Variants in PCDHGC3 observed in about 807,000 individuals in gnomAD.
PCDHGC3 encodes the protein protocadherin gamma subfamily C, 3, also known as protocadherin gamma-C3.
Under a neutral mutation model 59.2 loss-of-function variants are expected in PCDHGC3, and 26 were observed. The observed-to-expected ratio is 0.44, with a 90% CI of 0.32 to 0.61. The LOEUF (loss-of-function observed/expected upper bound fraction) is 0.61, where lower values mean the gene tolerates loss of function less well. Among genes scored for constraint, PCDHGC3 ranks in the 20% least tolerant of loss-of-function variants. PCDHGC3 has a pLI of 0.05. For missense variants in PCDHGC3, 1,080 were observed against 1,221.8 expected, an observed-to-expected ratio of 0.88 and a Z score of 1.73; for synonymous variants, 487 against 519.7, an observed-to-expected ratio of 0.94 and a Z score of 0.86.
chr5:141,476,656 T>C lies in PCDHGC3; in HGVS notation c.540T>C (p.Phe180=). 1 of 1,614,210 alleles carries C rather than the reference T, an allele frequency of 6.2e-7. No individual in the cohort carries two copies. Among genetic ancestry groups the C allele is most frequent in the Non-Finnish European group, 8.5e-7 (1 of 1,180,044 alleles). Residue 180 remains phenylalanine, a synonymous_variant, in exon 1 of 4, where the codon TTT becomes TTC. Coordinates refer to ENST00000308177, the MANE Select transcript of PCDHGC3 (RefSeq NM_002588.4). This position sits in a 1 kb window ranked among gnomAD's most constrained non-coding sequence, Gnocchi z 7.6. The part of the protein sequence containing the change: ...QTYELSRNEY[F]ALRVQTREDS... ...ATGAGCTGAGCCGAAATGAATACTT[T>C]GCGCTTCGCGTGCAGACGCGGGAGG...
At chr5:141,484,347 T>C (rs569724902) in intron 1 of PCDHGC3, among the ~76,000 whole-genome samples, 2 of 152,302 alleles carry the variant, frequency 1.3e-5, no homozygotes, top group East Asian at 1.9e-4. Flanking sequence ...AATGGTAATT[T>C]AGTGTATCTA....
In PCDHGC3 at chr5:141,476,034, C is replaced by G. The variant is rs934044974; in HGVS notation, c.-83C>G. On this transcript the variant is annotated 5_prime_UTR_variant, in exon 1 of 4. Transcript: ENST00000308177. This position sits in a 1 kb window ranked among gnomAD's most constrained non-coding sequence, Gnocchi z 7.6. ...CCATGTCGGACTCGGCGCCCAGCGC[C>G]CAAGCGCTAACCCGCTGAAAGTTTC... The G allele has an allele frequency of 2.0e-6, 3 of 1,464,488 alleles. No homozygotes were observed. Among genetic ancestry groups the G allele is most frequent in the Non-Finnish European group, 2.7e-6 (3 of 1,100,656 alleles). 90.7% of individuals were successfully genotyped at this position (1,464,488 alleles called of 1,614,324 possible). A position where few individuals can be genotyped will look rare whatever the true frequency, so the allele number is the denominator to read the frequency against.
chr5:141,485,434 G>A lies in PCDHGC3; in HGVS notation c.2430+6888G>A. The A allele has an allele frequency of 6.2e-7, 1 of 1,614,166 alleles. No individual in the cohort carries two copies. The highest frequency in any genetic ancestry group is 8.5e-7 in the Non-Finnish European group (1 of 1,180,018). On this transcript the variant is annotated intron_variant, in intron 1 of 3. Coordinates refer to ENST00000308177, the MANE Select transcript of PCDHGC3 (RefSeq NM_002588.4). This position sits in a 1 kb window ranked among gnomAD's most constrained non-coding sequence, Gnocchi z 5.7. ...TGGACAGCGGAGCCCTGCTCATCAA[G>A]AACCCAATCGACCGAGAGGCACTGT...
intron 2 of PCDHGC3, among the ~76,000 whole-genome samples, chr5:141,497,614 A>C (rs1377740795): frequency 6.8e-6 from 1 of 146,530 alleles, no homozygotes; most frequent in African/African-American, 2.6e-5. Context: ...ATCTTGGCTC[A>C]CTGCAACCTC....
At position 141,478,334 on chromosome 5, in the gene PCDHGC3, C is replaced by T. The variant is rs1303200872; in HGVS notation, c.2218C>T (p.Pro740Ser). 2.5e-6 allele frequency: 4 copies of T among 1,613,944 alleles called. No individual in the cohort carries two copies. The highest frequency in any genetic ancestry group is 3.4e-6 in the Non-Finnish European group (4 of 1,180,016). ...PVSSLYRTPG[P>S]SLHADAVRGG... ...GAGCTCACTGTACCGAACACCAGGG[C>T]CCTCCTTGCACGCGGACGCCGTGCG... The change falls in exon 1 of 4, where the codon CCC becomes TCC. Residue 740 changes from proline (P) to serine (S), a missense_variant. Coordinates refer to ENST00000308177, the MANE Select transcript of PCDHGC3 (RefSeq NM_002588.4).
At chr5:141,492,468 G>A (rs927514972) in intron 1 of PCDHGC3, among the ~76,000 whole-genome samples, 1 of 152,232 alleles carries the variant, frequency 6.6e-6, no homozygotes, top group Admixed American at 6.5e-5. Flanking sequence ...GAGGGTCCCA[G>A]ATCGCGGCCG....
At chr5:141,496,928 G>A (rs2099772685) in intron 2 of PCDHGC3, among the ~76,000 whole-genome samples, 1 of 151,334 alleles carries the variant, frequency 6.6e-6, no homozygotes, top group Non-Finnish European at 1.5e-5. Context: ...GTTCACGCCT[G>A]TAATCCCAGC....
intron 3 of PCDHGC3, 110 bp downstream of exon 3, chr5:141,505,591 G>A (rs2099846959): frequency 6.4e-7 from 1 of 1,570,162 alleles, no homozygotes; most frequent in Non-Finnish European, 8.7e-7. Context: ...AGTTTCTCCA[G>A]ATCTTTCGGC....
At chr5:141,502,891 C>G (rs2099816930) in intron 2 of PCDHGC3, among the ~76,000 whole-genome samples, 1 of 117,990 alleles carries the variant, frequency 8.5e-6, no homozygotes, top group African/African-American at 3.4e-5. Context: ...GACAGGGAGT[C>G]TAGCTCTGTT....
chr5:141,494,923 G>A lies in PCDHGC3; in HGVS notation c.2489+58G>A, dbSNP rs572227346. Reference sequence around the variant, plus strand: ...TCTGCGGCATTTTCTCAGGGATGACGTGGGAGGAGATGGGGGAGGGCCCAG... The same window carrying A: ...TCTGCGGCATTTTCTCAGGGATGACATGGGAGGAGATGGGGGAGGGCCCAG... On this transcript the variant is annotated intron_variant, in intron 2 of 3. Coordinates refer to ENST00000308177, the MANE Select transcript of PCDHGC3 (RefSeq NM_002588.4). The A allele has an allele frequency of 8.9e-5, 143 of 1,613,698 alleles. 1 individual carries two copies. In the Middle Eastern group the frequency reaches 1.8e-3, roughly 20 times the overall value.
chr5:141,499,073 G>T (rs2099789305), intron 2 of PCDHGC3, among the ~76,000 whole-genome samples: 1 of 152,064 alleles, frequency 6.6e-6, no homozygotes, highest in Admixed American at 6.5e-5. Flanking sequence ...CTTACATTCT[G>T]AAGTTCCTGC....
intron 2 of PCDHGC3, among the ~76,000 whole-genome samples, chr5:141,501,184 C>T (rs1209222790): frequency 6.6e-6 from 1 of 152,002 alleles, no homozygotes; most frequent in Non-Finnish European, 1.5e-5. Context: ...CATTTTAACA[C>T]AATTAAATTC....
chr5:141,497,831 C>T (rs1336808833), intron 2 of PCDHGC3, among the ~76,000 whole-genome samples: 1 of 152,162 alleles, frequency 6.6e-6, no homozygotes, highest in Non-Finnish European at 1.5e-5. Flanking sequence ...TGATCGCCCC[C>T]GGCCACAACA....
Position 141,487,522 on chromosome 5 carries a change from T to G in PCDHGC3, c.2431-7285T>G, listed in dbSNP as rs764726787. Reference sequence around the variant, plus strand: ...TGGCTTCTGCACCCACTCGGAGTGATAGCTTCATGATGGTGAAGTCACCCA... The same window carrying G: ...TGGCTTCTGCACCCACTCGGAGTGAGAGCTTCATGATGGTGAAGTCACCCA... On this transcript the variant is annotated intron_variant, in intron 1 of 3. Transcript: ENST00000308177. This position sits in a 1 kb window ranked among gnomAD's most constrained non-coding sequence, Gnocchi z 5.0. The G allele has an allele frequency of 6.2e-7, 1 of 1,614,166 alleles. No individual in the cohort carries two copies. The highest frequency in any genetic ancestry group is 8.5e-7 in the Non-Finnish European group (1 of 1,180,022).
At chr5:141,495,269 CGGAGGAGGCG>C (rs2099759953) in intron 2 of PCDHGC3, among the ~76,000 whole-genome samples, 1 of 152,180 alleles carries the variant, frequency 6.6e-6, no homozygotes, top group Non-Finnish European at 1.5e-5. Context: ...AGCATTTGAC[CGGAGGAGGCG>C]GTCCGCACTC....
Position 141,490,330 on chromosome 5 carries a change from C to T in PCDHGC3, c.2431-4477C>T, listed in dbSNP as rs2099698666. ...GGCCAACCCTGTCCTAGAGAGCACA[C>T]CAGTGGGCACAGTAGTGGGGTTGTT... is the stretch of plus-strand genomic sequence containing the variant. On this transcript the variant is annotated intron_variant, in intron 1 of 3. Transcript: ENST00000308177. The surrounding 1 kb of genome is among the most constrained non-coding windows in gnomAD (Gnocchi z 5.4). 6.2e-7 allele frequency: 1 copy of T among 1,614,080 alleles called. No individual in the cohort carries two copies. Among genetic ancestry groups the T allele is most frequent in the Non-Finnish European group, 8.5e-7 (1 of 1,180,042 alleles).
chr5:141,487,810 C>G lies in PCDHGC3; in HGVS notation c.2431-6997C>G, dbSNP rs377060474. ...ATTAACCAGAGTTGTCACAGTTTAGCATTGGGGGCGGGTCATGCCTATATC... is the reference window on the plus strand; with the variant it reads ...ATTAACCAGAGTTGTCACAGTTTAGGATTGGGGGCGGGTCATGCCTATATC... On this transcript the variant is annotated intron_variant, in intron 1 of 3. Coordinates refer to ENST00000308177, the MANE Select transcript of PCDHGC3 (RefSeq NM_002588.4). The surrounding 1 kb of genome is among the most constrained non-coding windows in gnomAD (Gnocchi z 5.0). 7.1e-7 allele frequency: 1 copy of G among 1,417,854 alleles called. No homozygotes were observed. The highest frequency in any genetic ancestry group is 2.1e-5 in the Admixed American group (1 of 47,076). The allele number at this position is 1,417,854 out of a possible 1,614,324, so 87.8% of individuals were successfully genotyped here.
In PCDHGC3 at chr5:141,476,432, G is replaced by T; in HGVS notation, c.316G>T (p.Val106Leu). 6.2e-7 allele frequency: 1 copy of T among 1,614,116 alleles called. No individual in the cohort carries two copies. The highest frequency in any genetic ancestry group is 8.5e-7 in the Non-Finnish European group (1 of 1,180,028). ...ELCGTLPSCT[V>L]TLELVVENPL... ...GTGTGGGACACTGCCCTCTTGCACT[G>T]TAACTCTGGAGTTGGTAGTGGAGAA... Residue 106 changes from valine (V) to leucine (L), a missense_variant, in exon 1 of 4, where the codon GTA (valine) becomes TTA (leucine). By Grantham distance (32) the Val-to-Leu change is conservative (BLOSUM62 1). Coordinates refer to ENST00000308177, the MANE Select transcript of PCDHGC3 (RefSeq NM_002588.4). The surrounding 1 kb of genome is among the most constrained non-coding windows in gnomAD (Gnocchi z 7.6).
chr5:141,485,714 G>C lies in PCDHGC3; in HGVS notation c.2430+7168G>C, dbSNP rs896709540. 6.2e-7 allele frequency: 1 copy of C among 1,614,064 alleles called. No homozygotes were observed. Among genetic ancestry groups the C allele is most frequent in the Non-Finnish European group, 8.5e-7 (1 of 1,180,050 alleles). On this transcript the variant is annotated intron_variant, in intron 1 of 3. Coordinates refer to ENST00000308177, the MANE Select transcript of PCDHGC3 (RefSeq NM_002588.4). The surrounding 1 kb of genome is among the most constrained non-coding windows in gnomAD (Gnocchi z 5.7). The stretch of plus-strand genomic sequence containing the variant: ...GAGCTCCAATGAACACTTTGCACTG[G>C]ATGTGAAGAAGCGCAGCGACGGCAG...
Sources: allele counts gnomAD v4.1 joint callset (sites outside exome capture counted in the v4.1 genomes callset), GRCh38; gene constraint gnomAD v4.1.1; non-coding constraint Gnocchi (gnomAD v3.1); transcripts MANE v1.5; gene names NCBI Gene and HGNC (gene_info 2026-07-23, HGNC 2026-07-21).